The following WNT4 variants were observed in gnomAD, a reference collection of about 807,000 sequenced individuals.
WNT4 encodes Wnt family member 4.
In WNT4, 16 loss-of-function variants were observed where a neutral mutation model predicts 34.5. The ratio of observed to expected loss-of-function variants is 0.46; its 90% CI spans 0.31 to 0.70. The LOEUF is 0.70. WNT4 is among the 30% of genes least tolerant of loss of function. WNT4 has a pLI of 0.04. For synonymous variants in WNT4, 200 were observed against 211.9 expected (o/e 0.94, Z 0.49); for missense variants, 379 against 495.9 (o/e 0.76, Z 2.24).
chr1:22,121,868 C>T (rs1488027234), intron 2 of WNT4, among the ~76,000 whole-genome samples: 2 of 152,198 alleles, frequency 1.3e-5, no homozygotes, highest in African/African-American at 2.4e-5. Flanking sequence ...AACAGAGGCT[C>T]GGGGGCTTTT....
At chr1:22,128,397 T>C (rs1645956258) in intron 2 of WNT4, among the ~76,000 whole-genome samples, 1 of 152,104 alleles carries the variant, frequency 6.6e-6, no homozygotes, top group Admixed American at 6.5e-5. Context: ...AAGGGGCCCA[T>C]GGTTTAGAGT....
intron 2 of WNT4, among the ~76,000 whole-genome samples, chr1:22,128,896 A>G (rs549676044): frequency 1.3e-5 from 2 of 151,850 alleles, no homozygotes; most frequent in African/African-American, 4.8e-5. Context: ...ATTTTTTTGT[A>G]TTTTTAGTAG....
At position 22,120,156 on chromosome 1, in the gene WNT4, G is replaced by A. The variant is rs752231863; in HGVS notation, c.950C>T (p.Thr317Met). ...GCGTTCAGCCAGCTCCACCTGCGCC[G>A]TGTGGAAGCCGCGGCCACAGCACAG... ...ELLCCGRGFHTAQVELAERCS... is the reference protein window; with the variant it reads ...ELLCCGRGFHMAQVELAERCS... Residue 317 changes from threonine (T) to methionine (M), a missense_variant, in exon 5 of 5, where the codon ACG becomes ATG. Thr to Met is a moderately conservative substitution (Grantham distance 81). This residue lies in a region of WNT4 where 313 missense variants were observed against 445.8 expected (regional missense o/e 0.70). Coordinates refer to ENST00000290167, the MANE Select transcript of WNT4 (RefSeq NM_030761.5). 28 of 1,613,414 alleles carry A rather than the reference G, an allele frequency of 1.7e-5. No individual in the cohort carries two copies. Among genetic ancestry groups the A allele is most frequent in the Non-Finnish European group, 2.2e-5 (26 of 1,179,926 alleles).
chr1:22,126,255 T>C (rs1339736470), intron 2 of WNT4, among the ~76,000 whole-genome samples: 3 of 152,146 alleles, frequency 2.0e-5, no homozygotes, highest in South Asian at 2.1e-4. Flanking sequence ...CTGTGAGACC[T>C]GGGGCAGTGC....
chr1:22,120,476 C>T lies in WNT4; in HGVS notation c.630G>A (p.Gly210=), dbSNP rs1198658797. The stretch of plus-strand genomic sequence containing the variant: ...TCTTTACCTCACAGGAGCCTGACAC[C>T]CCGTGGCACTTGCATTCCACCCGCA... ...THMRVECKCH[G]VSGSCEVKTC... Residue 210 remains glycine, a synonymous_variant, in exon 5 of 5, where the codon GGG becomes GGA. Coordinates refer to ENST00000290167, the MANE Select transcript of WNT4 (RefSeq NM_030761.5). 1 of 1,613,450 alleles carries T rather than the reference C, an allele frequency of 6.2e-7. No individual in the cohort carries two copies. Among genetic ancestry groups the T allele is most frequent in the Non-Finnish European group, 8.5e-7 (1 of 1,179,974 alleles).
At chr1:22,120,582 G>A (rs1277666313) in intron 4 of WNT4, 65 bp from the exon 5 acceptor site, 17 of 1,510,074 alleles carry the variant, frequency 1.1e-5, no homozygotes, top group East Asian at 2.4e-5. Context: ...GGAGGGCCGC[G>A]GAGGCTGACA....
chr1:22,133,088 C>T (rs1290670608), intron 1 of WNT4, among the ~76,000 whole-genome samples: 1 of 152,148 alleles, frequency 6.6e-6, no homozygotes, highest in Non-Finnish European at 1.5e-5. Flanking sequence ...GAGCGGCGAG[C>T]TGCAGTGCAA....
At chr1:22,120,653 T>G in intron 4 of WNT4, 136 bp from the exon 5 acceptor site, 3 of 886,036 alleles carry the variant, frequency 3.4e-6, no homozygotes, top group Non-Finnish European at 5.2e-6. Flanking sequence ...TGCCTCCTCT[T>G]AGGAATTACG....
chr1:22,140,555 A>T lies in WNT4; in HGVS notation c.77+2291T>A, dbSNP rs555268679. On this transcript the variant is annotated intron_variant, in intron 1 of 4. Coordinates refer to ENST00000290167, the MANE Select transcript of WNT4 (RefSeq NM_030761.5). The surrounding 1 kb of genome is among the most constrained non-coding windows in gnomAD (Gnocchi z 5.9). ...GGTTTTATCATGTCTTTCTACCTAG[A>T]CTCCAGGCTTGTGGGAGGCCAGGCT... is the stretch of plus-strand genomic sequence containing the variant. 1.3e-5 allele frequency among the ~76,000 whole-genome samples: 2 copies of T among 151,578 alleles called. No individual in the cohort carries two copies. The highest frequency in any genetic ancestry group is 2.1e-4 in the South Asian group (1 of 4,778).
rs1297855520 is a variant in WNT4 at position 22,118,287 on chromosome 1, C to A, written c.*1763G>T. Reference sequence around the variant, plus strand: ...CCAGGAGCTTGGAGTCTGGGAACCCCAAGTGGGGGATCACAGAGCATAAAA... The same window carrying A: ...CCAGGAGCTTGGAGTCTGGGAACCCAAAGTGGGGGATCACAGAGCATAAAA... On this transcript the variant is annotated 3_prime_UTR_variant, in exon 5 of 5. Transcript: ENST00000290167. 1 of 152,202 alleles carries A rather than the reference C, an allele frequency of 6.6e-6. No homozygotes were observed. Among genetic ancestry groups the A allele is most frequent in the Non-Finnish European group, 1.5e-5 (1 of 68,046 alleles). 9.4% of individuals were successfully genotyped at this position (152,202 alleles called of 1,614,324 possible). A position where few individuals can be genotyped will look rare whatever the true frequency, so the allele number is the denominator to read the frequency against.
rs1409865298 is a variant in WNT4 at position 22,118,859 on chromosome 1, G to A, written c.*1191C>T. The A allele has an allele frequency of 1.3e-5, 2 of 152,294 alleles. No homozygotes were observed. The highest frequency in any genetic ancestry group is 2.9e-5 in the Non-Finnish European group (2 of 68,078). 9.4% of individuals were successfully genotyped at this position (152,294 alleles called of 1,614,324 possible). On this transcript the variant is annotated 3_prime_UTR_variant, in exon 5 of 5. Transcript: ENST00000290167. ...TGCCTGTCCATCCAGCTTGCTGTGA[G>A]AGGTCTGGGGAGCACTGCCGTCTCT... is the stretch of plus-strand genomic sequence containing the variant.
At chr1:22,132,827 C>G (rs566398666) in intron 1 of WNT4, among the ~76,000 whole-genome samples, 1 of 152,112 alleles carries the variant, frequency 6.6e-6, no homozygotes, top group African/African-American at 2.4e-5. Flanking sequence ...CTTCCGTACA[C>G]ACGAGGCCCA....
At chr1:22,132,193 C>T (rs924421821) in intron 1 of WNT4, among the ~76,000 whole-genome samples, 2 of 152,204 alleles carry the variant, frequency 1.3e-5, no homozygotes, top group East Asian at 1.9e-4. Flanking sequence ...CTGCTCAGAC[C>T]GAGGCTTGGC....
Position 22,137,168 on chromosome 1 carries a change from C to G in WNT4, c.77+5678G>C, listed in dbSNP as rs530796381. ...CCGCTCTCTCCTCAGACCAGGTCCC[C>G]TCCTCTGCGGGGTCTGACTTGGCAG... is the stretch of plus-strand genomic sequence containing the variant. On this transcript the variant is annotated intron_variant, in intron 1 of 4. Coordinates refer to ENST00000290167, the MANE Select transcript of WNT4 (RefSeq NM_030761.5). The surrounding 1 kb of genome is among the most constrained non-coding windows in gnomAD (Gnocchi z 5.3). 2.9e-3 allele frequency among the ~76,000 whole-genome samples: 440 copies of G among 152,332 alleles called. 5 individuals are homozygous for G. Among genetic ancestry groups the G allele is most frequent in the Non-Finnish European group, 2.9e-3 (194 of 68,038 alleles).
chr1:22,130,332 C>T (rs1034292941), intron 1 of WNT4, among the ~76,000 whole-genome samples: 3 of 152,244 alleles, frequency 2.0e-5, no homozygotes, highest in African/African-American at 7.2e-5. Context: ...AAGATCCTCA[C>T]TGCCAGCCAC....
chr1:22,140,297 C>T lies in WNT4; in HGVS notation c.77+2549G>A. The T allele has an allele frequency of 1.6e-5, 16 of 985,398 alleles. No homozygotes were observed. The highest frequency in any genetic ancestry group is 1.8e-5 in the Non-Finnish European group (15 of 829,852). 61.0% of individuals were successfully genotyped at this position (985,398 alleles called of 1,614,324 possible). A position where few individuals can be genotyped will look rare whatever the true frequency, so the allele number is the denominator to read the frequency against. ...CAGCTTTTCAGTCGGACACCTCTGGCATTTACCAGCTGGGTGACTTGGGCA... is the reference window on the plus strand; with the variant it reads ...CAGCTTTTCAGTCGGACACCTCTGGTATTTACCAGCTGGGTGACTTGGGCA... On this transcript the variant is annotated intron_variant, in intron 1 of 4. Coordinates refer to ENST00000290167, the MANE Select transcript of WNT4 (RefSeq NM_030761.5). This position sits in a 1 kb window ranked among gnomAD's most constrained non-coding sequence, Gnocchi z 5.9.
At chr1:22,120,638 C>T (rs1570086948) in intron 4 of WNT4, 121 bp from the exon 5 acceptor site, 10 of 1,007,700 alleles carry the variant, frequency 9.9e-6, no homozygotes, top group Middle Eastern at 2.7e-4. Context: ...TCAGATTTGC[C>T]GTTGTGCCTC....
In WNT4 at chr1:22,119,784, G is replaced by A; in HGVS notation, c.*266C>T. 1.8e-6 allele frequency: 1 copy of A among 567,046 alleles called. No homozygotes were observed. The highest frequency in any genetic ancestry group is 3.0e-5 in the East Asian group (1 of 33,402). 35.1% of individuals were successfully genotyped at this position (567,046 alleles called of 1,614,324 possible). A position where few individuals can be genotyped will look rare whatever the true frequency, so the allele number is the denominator to read the frequency against. On this transcript the variant is annotated 3_prime_UTR_variant, in exon 5 of 5. Transcript: ENST00000290167. ...GACACAGATAACAACTGAGTGGTCA[G>A]TGGCAGCCACATGCGGGCAGCCAGC...
intron 2 of WNT4, 135 bp from the exon 3 acceptor site, chr1:22,121,711 G>T: frequency 1.4e-6 from 2 of 1,384,300 alleles, no homozygotes; most frequent in Non-Finnish European, 2.0e-6. Context: ...GAAATCATGT[G>T]CTAGGCACCC....
Sources: gnomAD v4.1 joint callset for allele counts (sites outside exome capture counted in the v4.1 genomes callset) on GRCh38, gnomAD v4.1.1 for gene constraint, gnomAD v4.1.1 regional missense constraint, Gnocchi (gnomAD v3.1) non-coding constraint, MANE v1.5 for transcripts, NCBI Gene and HGNC (gene_info 2026-07-23, HGNC 2026-07-21) for gene names.